The following CEP126 variants were observed in gnomAD, a reference collection of about 807,000 sequenced individuals.
CEP126 encodes centrosomal protein of 126 kDa.
A neutral mutation model predicts 107.8 loss-of-function variants in CEP126; 74 were observed. The observed-to-expected ratio is 0.69, with a 90% CI of 0.57 to 0.83. The LOEUF is 0.83. CEP126 is among the 40% of genes least tolerant of loss of function. CEP126 has a pLI of 0.00. For missense variants in CEP126, 1,237 were observed against 1,281.9 expected (o/e 0.96, Z 0.53); for synonymous variants, 449 against 446.0 (o/e 1.01, Z -0.08).
chr11:101,933,549 A>C (rs1007821578), intron 2 of CEP126, among the ~76,000 whole-genome samples: 3 of 152,162 alleles, frequency 2.0e-5, no homozygotes, highest in Non-Finnish European at 4.4e-5. Flanking sequence ...GGGATAAAAC[A>C]AGGTAATACA....
chr11:101,997,089 G>GTA (rs1305407547), intron 10 of CEP126, among the ~76,000 whole-genome samples: 2 of 152,150 alleles, frequency 1.3e-5, no homozygotes, highest in Non-Finnish European at 2.9e-5. Flanking sequence ...CCAGGCTGGA[G>GTA]TACAGTGGAG....
chr11:101,936,165 T>C (rs905908391), intron 2 of CEP126, among the ~76,000 whole-genome samples: 2 of 152,120 alleles, frequency 1.3e-5, no homozygotes, highest in African/African-American at 4.8e-5. Flanking sequence ...ATGAAATCCA[T>C]GAACACAGCT....
chr11:101,958,538 GT>G (rs377127359), intron 5 of CEP126, among the ~76,000 whole-genome samples, 172 bp downstream of exon 5: 1 of 151,526 alleles, frequency 6.6e-6, no homozygotes, highest in Non-Finnish European at 1.5e-5. Context: ...TAATTTTTTA[GT>G]TTTTTCCTTA....
intron 4 of CEP126, chr11:101,955,762 G>A (rs1937156695): frequency 2.5e-6 from 1 of 402,348 alleles, no homozygotes; most frequent in South Asian, 1.8e-5. Context: ...CTCTCTGCCT[G>A]CCTGTCCAAA....
chr11:101,977,049 T>G (rs1298277216), intron 6 of CEP126, among the ~76,000 whole-genome samples: 1 of 152,160 alleles, frequency 6.6e-6, no homozygotes, highest in Non-Finnish European at 1.5e-5. Context: ...AATCGGAAAT[T>G]TTTTAAAGAT....
At chr11:101,960,320 C>G (rs1337122451) in intron 5 of CEP126, among the ~76,000 whole-genome samples, 1 of 152,140 alleles carries the variant, frequency 6.6e-6, no homozygotes, top group East Asian at 1.9e-4. Flanking sequence ...GAAGCAATTA[C>G]AGACCTATGC....
At chr11:101,930,102 G>T (rs192423811) in intron 2 of CEP126, among the ~76,000 whole-genome samples, 1 of 150,720 alleles carries the variant, frequency 6.6e-6, no homozygotes, top group African/African-American at 2.4e-5. Context: ...TTTCTCAGGC[G>T]CCAGGGTCCC....
At chr11:101,944,148 G>A (rs1487337458) in intron 2 of CEP126, 117 bp from the exon 3 acceptor site, 1 of 979,932 alleles carries the variant, frequency 1.0e-6, no homozygotes, top group African/African-American at 1.7e-5. Context: ...AAAATTTGTT[G>A]TTTTTAAATA....
intron 3 of CEP126, 96 bp downstream of exon 3, chr11:101,944,506 A>G (rs1245789033): frequency 8.3e-6 from 10 of 1,204,964 alleles, no homozygotes; most frequent in Non-Finnish European, 1.1e-5. Context: ...TGAAGTGGAA[A>G]CAAACTAAAA....
intron 2 of CEP126, 151 bp from the exon 3 acceptor site, chr11:101,944,114 G>T: frequency 1.5e-6 from 1 of 645,548 alleles, no homozygotes; most frequent in South Asian, 2.5e-5. Context: ...TAAGTCTTTG[G>T]CAAACACCTG....
At chr11:101,922,115 T>C (rs1239375103) in intron 1 of CEP126, among the ~76,000 whole-genome samples, 4 of 151,082 alleles carry the variant, frequency 2.6e-5, no homozygotes, top group Non-Finnish European at 4.4e-5. Context: ...GTAGATTTTT[T>C]TTCTCCAGGA....
Position 101,961,391 on chromosome 11 carries a change from T to C in CEP126, c.706-350T>C, listed in dbSNP as rs542733533. Among the ~76,000 whole-genome samples the C allele has an allele frequency of 3.3e-5, 5 of 152,196 alleles. No individual in the cohort carries two copies. In the South Asian group the frequency reaches 1.0e-3, roughly 32 times the overall value. Reference sequence around the variant, plus strand: ...AAAAAATACAATTTATAAATAATTATTTTTCAGAATCTCACTTTCTATTAC... The same window carrying C: ...AAAAAATACAATTTATAAATAATTACTTTTCAGAATCTCACTTTCTATTAC... On this transcript the variant is annotated intron_variant, in intron 5 of 10. Transcript: ENST00000263468.
At position 101,963,312 on chromosome 11, in the gene CEP126, A is replaced by G; in HGVS notation, c.2277A>G (p.Lys759=). The change falls in exon 6 of 11, where the codon AAA becomes AAG. Residue 759 remains lysine (K), a synonymous_variant. Coordinates refer to ENST00000263468, the MANE Select transcript of CEP126 (RefSeq NM_020802.4). ...PQRGRAKIIR[K]PGSAKVQSGF... Reference sequence around the variant, plus strand: ...GAGGTAGAGCAAAAATAATTAGAAAACCAGGATCTGCAAAAGTCCAATCAG... The same window carrying G: ...GAGGTAGAGCAAAAATAATTAGAAAGCCAGGATCTGCAAAAGTCCAATCAG... 6.2e-7 allele frequency: 1 copy of G among 1,613,906 alleles called. No homozygotes were observed. Among genetic ancestry groups the G allele is most frequent in the Non-Finnish European group, 8.5e-7 (1 of 1,179,994 alleles).
chr11:101,975,415 C>A (rs1416146936), intron 6 of CEP126, among the ~76,000 whole-genome samples: 1 of 152,146 alleles, frequency 6.6e-6, no homozygotes, highest in East Asian at 1.9e-4. Context: ...CTGTGAGACA[C>A]AATCAATCAG....
chr11:101,975,157 T>C (rs1047863394), intron 6 of CEP126, among the ~76,000 whole-genome samples: 1 of 152,172 alleles, frequency 6.6e-6, no homozygotes, highest in African/African-American at 2.4e-5. Context: ...ATTTTGCATA[T>C]ATAGCATTTA....
chr11:101,950,644 G>A (rs1290794304), intron 4 of CEP126, among the ~76,000 whole-genome samples: 1 of 152,200 alleles, frequency 6.6e-6, no homozygotes, highest in African/African-American at 2.4e-5. Context: ...CTTAAAGAAT[G>A]AGTTAAGATT....
intron 5 of CEP126, among the ~76,000 whole-genome samples, chr11:101,961,434 T>C (rs1219298729): frequency 1.3e-5 from 2 of 152,070 alleles, no homozygotes; most frequent in African/African-American, 2.4e-5. Context: ...TCAAGAAACT[T>C]CATACTCTAA....
At chr11:101,967,273 C>T (rs1941069368) in intron 6 of CEP126, among the ~76,000 whole-genome samples, 1 of 152,086 alleles carries the variant, frequency 6.6e-6, no homozygotes, top group African/African-American at 2.4e-5. Context: ...CACTCAGTCT[C>T]CCAAAGTGCT....
Position 101,998,667 on chromosome 11 carries a change from A to G in CEP126, c.*1024A>G, listed in dbSNP as rs181781419. ...TAAGAAAACATGTGGCCTTTTATTA[A>G]TAACACTACTAAATTTTGGTTCCTC... is the stretch of plus-strand genomic sequence containing the variant. On this transcript the variant is annotated 3_prime_UTR_variant, in exon 11 of 11. Coordinates refer to ENST00000263468, the MANE Select transcript of CEP126 (RefSeq NM_020802.4). 3 of 150,552 alleles carry G rather than the reference A, an allele frequency of 2.0e-5. No homozygotes were observed. The highest frequency in any genetic ancestry group is 4.9e-5 in the African/African-American group (2 of 41,056). 9.3% of individuals were successfully genotyped at this position (150,552 alleles called of 1,614,324 possible).
Sources: gnomAD v4.1 joint callset for allele counts (sites outside exome capture counted in the v4.1 genomes callset) on GRCh38, gnomAD v4.1.1 for gene constraint, MANE v1.5 for transcripts, NCBI Gene and HGNC (gene_info 2026-07-23, HGNC 2026-07-21) for gene names.